The following DTNB variants were observed in gnomAD, a reference collection of about 807,000 sequenced individuals.
The protein encoded by DTNB is dystrobrevin beta.
Under a neutral mutation model 90.7 loss-of-function variants are expected in DTNB, and 63 were observed. The ratio of observed to expected loss-of-function variants is 0.69; its 90% CI spans 0.57 to 0.86. The LOEUF (loss-of-function observed/expected upper bound fraction) is 0.86. Among genes scored for constraint, DTNB ranks in the 40% least tolerant of loss-of-function variants. DTNB has a pLI of 0.00. For synonymous variants in DTNB, 277 were observed against 286.7 expected (o/e 0.97, Z 0.34); for missense variants, 744 against 807.1 (o/e 0.92, Z 0.95).
chr2:25,399,984 C>G (rs1344498320), intron 16 of DTNB, among the ~76,000 whole-genome samples: 1 of 152,162 alleles, frequency 6.6e-6, no homozygotes, highest in Non-Finnish European at 1.5e-5. Flanking sequence ...TCGGTCACGT[C>G]ATGGCATATT....
At chr2:25,419,306 G>A (rs1000742101) in intron 16 of DTNB, 1 of 695,060 alleles carries the variant, frequency 1.4e-6, no homozygotes, top group Non-Finnish European at 2.5e-6. Context: ...TACAAGCTCT[G>A]GTTTTAAGTA....
Position 25,621,757 on chromosome 2 carries a change from T to C in DTNB, c.362+6414A>G, listed in dbSNP as rs185803610. ...CAGGCATGAGCCACTGCACCCAGCC[T>C]AAACCAACATTTTTAAATGGTTGTT... On this transcript the variant is annotated intron_variant, in intron 4 of 20. Coordinates refer to ENST00000406818, the MANE Select transcript of DTNB (RefSeq NM_021907.5). 9.9e-5 allele frequency among the ~76,000 whole-genome samples: 15 copies of C among 151,574 alleles called. No homozygotes were observed. The East Asian group carries it at 2.1e-3, about 22-fold the overall frequency.
At chr2:25,652,694 T>C (rs1333653898) in intron 1 of DTNB, 33 bp from the exon 2 acceptor site, 1 of 1,596,442 alleles carries the variant, frequency 6.3e-7, no homozygotes. Flanking sequence ...TAAACCACTG[T>C]ATAATTCGAC....
chr2:25,580,102 C>T (rs1349762656), intron 7 of DTNB, among the ~76,000 whole-genome samples: 1 of 150,324 alleles, frequency 6.7e-6, no homozygotes, highest in Admixed American at 6.7e-5. Context: ...CTGCCTCAGC[C>T]TCCCAAGTAG....
Position 25,392,412 on chromosome 2 carries a change from A to AAATG in DTNB, c.1576-4055_1576-4052dup, listed in dbSNP as rs570696124. ...GCAACAGAGTGAGACTCCATCTCAA[A>AAATG]AATGAATGAATGAATGAATGAATGA... On this transcript the variant is annotated intron_variant, in intron 16 of 20. Transcript: ENST00000406818. Among the ~76,000 whole-genome samples the AAATG allele has an allele frequency of 2.3e-3, 357 of 152,312 alleles. 2 individuals carry two copies. Among genetic ancestry groups the AAATG allele is most frequent in the African/African-American group, 5.9e-3 (245 of 41,570 alleles).
At chr2:25,607,602 T>C (rs2067420903) in intron 4 of DTNB, among the ~76,000 whole-genome samples, 1 of 152,208 alleles carries the variant, frequency 6.6e-6, no homozygotes. Flanking sequence ...TGGATGAACC[T>C]GAAGTGAATT....
intron 8 of DTNB, among the ~76,000 whole-genome samples, chr2:25,539,006 T>C (rs980488583): frequency 2.0e-4 from 31 of 152,242 alleles, no homozygotes; most frequent in Non-Finnish European, 3.8e-4. Context: ...TAGTTCTCTA[T>C]ATAGTCTTCT....
intron 3 of DTNB, among the ~76,000 whole-genome samples, chr2:25,632,962 G>A (rs1419307828): frequency 6.6e-6 from 1 of 152,056 alleles, no homozygotes; most frequent in Admixed American, 6.5e-5. Context: ...CAAATATTCA[G>A]ATAAAGAAAT....
chr2:25,484,582 G>A (rs1398807748), intron 9 of DTNB, among the ~76,000 whole-genome samples: 1 of 152,014 alleles, frequency 6.6e-6, no homozygotes, highest in Non-Finnish European at 1.5e-5. Flanking sequence ...CTGCATTTCT[G>A]TATAGGGATT....
intron 8 of DTNB, among the ~76,000 whole-genome samples, chr2:25,566,360 A>T (rs1362913402): frequency 3.9e-5 from 6 of 152,218 alleles, no homozygotes; most frequent in Non-Finnish European, 7.3e-5. Flanking sequence ...TACAGCCTCA[A>T]CTGACACTTC....
chr2:25,650,027 G>A lies in DTNB; in HGVS notation c.67+2567C>T, dbSNP rs147075215. 7.5e-4 allele frequency: 743 copies of A among 985,318 alleles called. 2 individuals are homozygous for A. The highest frequency in any genetic ancestry group is 7.3e-3 in the African/African-American group (421 of 57,330). The allele number at this position is 985,318 out of a possible 1,614,324, so 61.0% of individuals were successfully genotyped here. A position where few individuals can be genotyped will look rare whatever the true frequency, so the allele number is the denominator to read the frequency against. ...ACTCAAGAAGTCATACTTACCAAAC[G>A]TCTCCCAGACTGACTGTTATCCTTA... On this transcript the variant is annotated intron_variant, in intron 2 of 20. Coordinates refer to ENST00000406818, the MANE Select transcript of DTNB (RefSeq NM_021907.5).
chr2:25,617,504 T>G (rs1446310031), intron 4 of DTNB, among the ~76,000 whole-genome samples: 1 of 152,206 alleles, frequency 6.6e-6, no homozygotes, highest in Non-Finnish European at 1.5e-5. Flanking sequence ...CAGTTAGTGC[T>G]ATCAAAAGGT....
intron 8 of DTNB, among the ~76,000 whole-genome samples, chr2:25,534,674 C>G (rs1012877471): frequency 7.3e-5 from 10 of 137,112 alleles, no homozygotes; most frequent in African/African-American, 2.8e-4. Flanking sequence ...GGCGGCCGGA[C>G]AGAGGCACTC....
At chr2:25,597,075 T>C (rs1053668939) in intron 5 of DTNB, among the ~76,000 whole-genome samples, 2 of 152,202 alleles carry the variant, frequency 1.3e-5, no homozygotes, top group African/African-American at 2.4e-5. Context: ...AAGTCAAATA[T>C]GCACAGAAAA....
At chr2:25,540,806 T>C (rs1367190130) in intron 8 of DTNB, among the ~76,000 whole-genome samples, 1 of 152,138 alleles carries the variant, frequency 6.6e-6, no homozygotes, top group African/African-American at 2.4e-5. Context: ...TTAAGGGCGG[T>C]GCAAGATGTG....
intron 6 of DTNB, among the ~76,000 whole-genome samples, chr2:25,589,233 G>A (rs2063029382): frequency 6.6e-6 from 1 of 152,170 alleles, no homozygotes; most frequent in East Asian, 1.9e-4. Flanking sequence ...CAAGGGAAAT[G>A]TGGCATGGTG....
At chr2:25,653,563 G>C (rs1273078104) in intron 1 of DTNB, among the ~76,000 whole-genome samples, 5 of 140,006 alleles carry the variant, frequency 3.6e-5, no homozygotes, top group Non-Finnish European at 6.0e-5. Flanking sequence ...CCAGGCTGGA[G>C]TGCAGTGGTG....
rs111587711 is a variant in DTNB, at chr2:25,546,868, C to A, written c.877-15271G>T. Reference sequence around the variant, plus strand: ...CTTTTTTTTTTTTTCTTTTTGGAGACAGAATCCTGCTCTGTTGCCCATGCT... The same window carrying A: ...CTTTTTTTTTTTTTCTTTTTGGAGAAAGAATCCTGCTCTGTTGCCCATGCT... On this transcript the variant is annotated intron_variant, in intron 8 of 20. Transcript: ENST00000406818. Among the ~76,000 whole-genome samples, 514 of 150,808 alleles carry A rather than the reference C, an allele frequency of 3.4e-3. 2 individuals carry two copies. The highest frequency in any genetic ancestry group is 0.012 in the African/African-American group (487 of 41,018).
rs914690808 is a variant in DTNB, at chr2:25,537,557, C to T, written c.877-5960G>A. 2.6e-5 allele frequency among the ~76,000 whole-genome samples: 4 copies of T among 152,110 alleles called. No individual in the cohort carries two copies. In the East Asian group the frequency reaches 7.7e-4, roughly 29 times the overall value. ...CTAGGAGAAACCAAAAAAGAGATTA[C>T]CCTAAAAATTTTAAAACTATGTATC... On this transcript the variant is annotated intron_variant, in intron 8 of 20. Coordinates refer to ENST00000406818, the MANE Select transcript of DTNB (RefSeq NM_021907.5).
Sources: gnomAD v4.1 joint callset for allele counts (sites outside exome capture counted in the v4.1 genomes callset) on GRCh38, gnomAD v4.1.1 for gene constraint, MANE v1.5 for transcripts, NCBI Gene and HGNC (gene_info 2026-07-23, HGNC 2026-07-21) for gene names.